Variants in ST7 observed in about 807,000 individuals in gnomAD.
ST7 encodes the protein suppressor of tumorigenicity 7 protein.
Under a neutral mutation model 78.7 loss-of-function variants are expected in ST7, and 28 were observed. The observed-to-expected ratio is 0.36, with a 90% confidence interval of 0.26 to 0.49. ST7 has a LOEUF of 0.49. Among genes scored for constraint, ST7 ranks in the 20% least tolerant of loss-of-function variants. ST7 has a pLI of 0.99. For synonymous variants in ST7, 247 were observed against 249.6 expected, an observed-to-expected ratio of 0.99 and a Z score of 0.10; for missense variants, 418 against 696.0, an observed-to-expected ratio of 0.60 and a Z score of 4.49.
At chr7:117,008,571 G>C (rs1371777516) in intron 1 of ST7, among the ~76,000 whole-genome samples, 1 of 152,162 alleles carries the variant, frequency 6.6e-6, no homozygotes, top group African/African-American at 2.4e-5. Context: ...GAAAGTAGTT[G>C]ACAATTTCTC....
chr7:116,988,378 T>C (rs1351613300), intron 1 of ST7, among the ~76,000 whole-genome samples: 1 of 152,224 alleles, frequency 6.6e-6, no homozygotes, highest in Non-Finnish European at 1.5e-5. Context: ...TATTTTCTCT[T>C]CTGCTTTCTT....
chr7:117,188,237 A>T (rs1317698089), intron 10 of ST7, among the ~76,000 whole-genome samples: 1 of 152,154 alleles, frequency 6.6e-6, no homozygotes, highest in African/African-American at 2.4e-5. Flanking sequence ...TTGGCTAATT[A>T]TGGGACTTCT....
intron 1 of ST7, among the ~76,000 whole-genome samples, chr7:117,018,902 T>C (rs1409414602): frequency 6.6e-6 from 1 of 152,232 alleles, no homozygotes; most frequent in Non-Finnish European, 1.5e-5. Flanking sequence ...TCAGCATTTT[T>C]AGTAAGCTAA....
chr7:117,035,152 A>C (rs945664741), intron 1 of ST7, among the ~76,000 whole-genome samples: 2 of 150,404 alleles, frequency 1.3e-5, no homozygotes, highest in African/African-American at 4.9e-5. Context: ...AAAGATATAA[A>C]ATACACAGGT....
At chr7:117,063,844 G>A (rs1798486567) in intron 1 of ST7, among the ~76,000 whole-genome samples, 1 of 152,114 alleles carries the variant, frequency 6.6e-6, no homozygotes, top group Non-Finnish European at 1.5e-5. Context: ...AAATACCTTT[G>A]GTACTACATC....
rs112676150 is a variant in ST7 at position 117,094,935 on chromosome 7, G to A, written c.152-4827G>A. The stretch of plus-strand genomic sequence containing the variant: ...ATAACTTTTATTTTTTTTCCATTTT[G>A]CATGTCATATTTTAGCAAAGCATTA... On this transcript the variant is annotated intron_variant, in intron 1 of 15. Coordinates refer to ENST00000323984, the MANE Select transcript of ST7 (RefSeq NM_001369598.1). 2.7e-3 allele frequency among the ~76,000 whole-genome samples: 414 copies of A among 150,888 alleles called. 2 individuals are homozygous for A. Among genetic ancestry groups the A allele is most frequent in the African/African-American group, 9.3e-3 (381 of 41,042 alleles).
rs567039189 is a variant in ST7 at position 117,023,810 on chromosome 7, G to A, written c.151+70119G>A. 1.8e-4 allele frequency among the ~76,000 whole-genome samples: 28 copies of A among 152,066 alleles called. No individual in the cohort carries two copies. In the South Asian group the frequency reaches 5.6e-3, roughly 30 times the overall value. ...ATATATATATCGTGTGTGTGCGTGT[G>A]TGTGTGTGTGTGACGGAGTCTCACC... On this transcript the variant is annotated intron_variant, in intron 1 of 15. Coordinates refer to ENST00000323984, the MANE Select transcript of ST7 (RefSeq NM_001369598.1).
In ST7 at chr7:117,224,911, C is replaced by T. The variant is rs1348670217; in HGVS notation, c.1638+2849C>T. Among the ~76,000 whole-genome samples, 3 of 152,158 alleles carry T rather than the reference C, an allele frequency of 2.0e-5. No individual in the cohort carries two copies. The East Asian group carries it at 5.8e-4, about 29-fold the overall frequency. Reference sequence around the variant, plus strand: ...AAGCTTTTCAGGAATCAGTGGTTTCCCTGGCTCTACCTTGGAATCATCGAA... The same window carrying T: ...AAGCTTTTCAGGAATCAGTGGTTTCTCTGGCTCTACCTTGGAATCATCGAA... On this transcript the variant is annotated intron_variant, in intron 15 of 15. Coordinates refer to ENST00000323984, the MANE Select transcript of ST7 (RefSeq NM_001369598.1).
At chr7:117,085,551 T>G (rs867130803) in intron 1 of ST7, among the ~76,000 whole-genome samples, 1 of 152,368 alleles carries the variant, frequency 6.6e-6, no homozygotes, top group African/African-American at 2.4e-5. Context: ...CCTAGAGCAC[T>G]GTGAAACTCC....
intron 1 of ST7, among the ~76,000 whole-genome samples, chr7:117,025,883 A>G (rs773580842): frequency 1.3e-5 from 2 of 152,192 alleles, no homozygotes; most frequent in Non-Finnish European, 2.9e-5. Flanking sequence ...TTTCTTCTGC[A>G]TATTTATATA....
chr7:117,025,063 G>A (rs1796120004), intron 1 of ST7, among the ~76,000 whole-genome samples: 1 of 152,092 alleles, frequency 6.6e-6, no homozygotes. Flanking sequence ...TAATACTCTA[G>A]CAATATTAAG....
At chr7:117,229,724 T>C in intron 15 of ST7, 38 bp from the exon 16 acceptor site, 1 of 1,549,814 alleles carries the variant, frequency 6.5e-7, no homozygotes, top group South Asian at 1.2e-5. Context: ...TTGAACAAGG[T>C]TTCTGCTGAC....
intron 10 of ST7, among the ~76,000 whole-genome samples, chr7:117,184,671 C>T (rs1191591980): frequency 4.6e-5 from 7 of 152,072 alleles, no homozygotes; most frequent in Middle Eastern, 3.2e-3. Context: ...GGGAGTTCCT[C>T]TGTGGTAATG....
chr7:117,220,960 G>A (rs1391896614), intron 14 of ST7, among the ~76,000 whole-genome samples: 1 of 152,112 alleles, frequency 6.6e-6, no homozygotes, highest in Non-Finnish European at 1.5e-5. Flanking sequence ...TCTAGATCTT[G>A]TATTCCCTGA....
At chr7:116,964,239 G>C (rs1792985439) in intron 1 of ST7, among the ~76,000 whole-genome samples, 1 of 152,172 alleles carries the variant, frequency 6.6e-6, no homozygotes. Context: ...TTAGTGACAG[G>C]TAATAGTAGA....
intron 9 of ST7, among the ~76,000 whole-genome samples, chr7:117,158,010 C>T (rs1335193219): frequency 6.6e-6 from 1 of 152,162 alleles, no homozygotes. Flanking sequence ...TTCCTGCCCT[C>T]CTCCCCAACA....
At chr7:117,158,791 T>C (rs531460332) in intron 9 of ST7, among the ~76,000 whole-genome samples, 2 of 152,218 alleles carry the variant, frequency 1.3e-5, no homozygotes, top group Admixed American at 6.5e-5. Context: ...TAAAAATTAC[T>C]GGCAAAATAA....
intron 1 of ST7, among the ~76,000 whole-genome samples, chr7:116,964,586 TAAAAC>T (rs1793009591): frequency 6.6e-6 from 1 of 152,144 alleles, no homozygotes; most frequent in Non-Finnish European, 1.5e-5. Context: ...TAAAGCAAAA[TAAAAC>T]AAATTATACT....
intron 9 of ST7, among the ~76,000 whole-genome samples, chr7:117,153,701 G>C (rs1375004219): frequency 1.3e-5 from 2 of 152,150 alleles, no homozygotes; most frequent in Admixed American, 1.3e-4. Flanking sequence ...AAAACTATTT[G>C]TTACCTTTTA....
Sources: gnomAD v4.1 joint callset for allele counts (sites outside exome capture counted in the v4.1 genomes callset) on GRCh38, gnomAD v4.1.1 for gene constraint, MANE v1.5 for transcripts, NCBI Gene and HGNC (gene_info 2026-07-23, HGNC 2026-07-21) for gene names.